Variants in DNAH8 observed in about 807,000 individuals in gnomAD.
DNAH8 encodes the protein dynein axonemal heavy chain 8.
In DNAH8, 382 loss-of-function variants were observed where a neutral mutation model predicts 562.1. That is an observed-to-expected ratio of 0.68 (90% CI 0.63 to 0.74). The LOEUF (loss-of-function observed/expected upper bound fraction) is 0.74, where lower values mean the gene tolerates loss of function less well. Ranked by LOEUF, DNAH8 falls within the 30% of genes least tolerant of loss-of-function variation. The pLI, the probability that DNAH8 is intolerant of heterozygous loss-of-function variation, is 0.00. For missense variants in DNAH8, 5,203 were observed against 5,620.4 expected, an observed-to-expected ratio of 0.93 and a Z score of 2.37; for synonymous variants, 1,881 against 1,919.4, an observed-to-expected ratio of 0.98 and a Z score of 0.52.
At position 38,857,576 on chromosome 6, in the gene DNAH8, A is replaced by G. The variant is rs1399926202; in HGVS notation, c.5792A>G (p.Asn1931Ser). 8 of 1,613,840 alleles carry G rather than the reference A, an allele frequency of 5.0e-6. No individual in the cohort carries two copies. Among genetic ancestry groups the G allele is most frequent in the African/African-American group, 1.3e-5 (1 of 74,904 alleles). ...WTHDSEEALRNAKDDRKIMQV... is the reference protein window; with the variant it reads ...WTHDSEEALRSAKDDRKIMQV... ...CACGATTCAGAAGAGGCTTTACGTA[A>G]TGCAAAAGATGACAGGAAAATCATG... The change falls in exon 42 of 93, where the codon AAT (asparagine) becomes AGT (serine). Residue 1931 changes from asparagine to serine, a missense_variant. Physicochemically the swap from Asn to Ser is conservative, Grantham distance 46. Coordinates refer to ENST00000327475, the MANE Select transcript of DNAH8 (RefSeq NM_001206927.2).
At chr6:38,895,963 C>T (rs1264460097) in intron 59 of DNAH8, 70 bp from the exon 60 acceptor site, 30 of 1,347,824 alleles carry the variant, frequency 2.2e-5, no homozygotes, top group Admixed American at 5.6e-5. Context: ...TGAGAAGAGG[C>T]GAAGGGACAT....
chr6:38,923,346 T>G, intron 72 of DNAH8, 161 bp downstream of exon 72: 1 of 836,414 alleles, frequency 1.2e-6, no homozygotes, highest in Non-Finnish European at 1.8e-6. Flanking sequence ...TGAAGAAGAT[T>G]TTGTGAAATA....
At chr6:38,943,299 A>G (rs377325457) in intron 79 of DNAH8, among the ~76,000 whole-genome samples, 3 of 152,220 alleles carry the variant, frequency 2.0e-5, no homozygotes, top group African/African-American at 7.2e-5. Context: ...ACTGGCTTAC[A>G]TTTTGACTGA....
At chr6:38,917,195 T>C in intron 68 of DNAH8, 44 bp from the exon 69 acceptor site, 1 of 1,395,840 alleles carries the variant, frequency 7.2e-7, no homozygotes, top group Non-Finnish European at 9.8e-7. Context: ...TAACTATTAA[T>C]ACCACTCAAC....
chr6:38,999,948 C>CACAT (rs1765377935), intron 88 of DNAH8, among the ~76,000 whole-genome samples: 1 of 151,510 alleles, frequency 6.6e-6, no homozygotes. Context: ...CACACACACA[C>CACAT]ATTCATTGAA....
chr6:38,957,316 GAT>G (rs1201259938), intron 82 of DNAH8, among the ~76,000 whole-genome samples: 1 of 148,488 alleles, frequency 6.7e-6, no homozygotes. Context: ...TATAATAAAA[GAT>G]ATAATTAATA....
At chr6:38,715,585 C>T (rs2127555039) in intron 1 of DNAH8, among the ~76,000 whole-genome samples, 170 bp downstream of exon 1, 1 of 152,318 alleles carries the variant, frequency 6.6e-6, no homozygotes, top group East Asian at 1.9e-4. Context: ...TTCAAAACCC[C>T]AGCTGAGTCA....
At position 38,787,008 on chromosome 6, in the gene DNAH8, T is replaced by A. The variant is rs57692503; in HGVS notation, c.2583+56T>A. On this transcript the variant is annotated intron_variant, in intron 18 of 92. Transcript: ENST00000327475. ...TGAAGGAGTTTTTTGGTAAAAAAAA[T>A]ATGTATATATATATATATATCCCTG... 9.8e-3 allele frequency: 10,603 copies of A among 1,076,618 alleles called. 570 individuals carry two copies. In the African/African-American group the frequency reaches 0.16, roughly 17 times the overall value. The allele number at this position is 1,076,618 out of a possible 1,614,324, so 66.7% of individuals were successfully genotyped here. A position where few individuals can be genotyped will look rare whatever the true frequency, so the allele number is the denominator to read the frequency against.
chr6:39,014,578 G>T (rs1293802090), intron 91 of DNAH8, among the ~76,000 whole-genome samples: 2 of 152,182 alleles, frequency 1.3e-5, no homozygotes, highest in Non-Finnish European at 2.9e-5. Flanking sequence ...GCCCCACTGT[G>T]TGAGAACTAA....
intron 47 of DNAH8, among the ~76,000 whole-genome samples, chr6:38,867,550 C>T (rs971486576): frequency 6.6e-6 from 1 of 150,572 alleles, no homozygotes; most frequent in Admixed American, 6.6e-5. Context: ...CGAGACCATC[C>T]TGGCTAACAT....
intron 4 of DNAH8, among the ~76,000 whole-genome samples, chr6:38,731,985 A>G (rs1763692669): frequency 2.0e-5 from 3 of 152,148 alleles, no homozygotes; most frequent in South Asian, 4.1e-4. Flanking sequence ...CAAAGTGCTG[A>G]GATTATAGGT....
At chr6:38,845,518 T>C (rs1775221632) in intron 35 of DNAH8, 56 bp from the exon 36 acceptor site, 1 of 1,403,222 alleles carries the variant, frequency 7.1e-7, no homozygotes, top group Admixed American at 1.8e-5. Context: ...GATTTGATGA[T>C]GCACTTAATT....
chr6:38,930,076 C>T (rs1282237954), intron 75 of DNAH8, among the ~76,000 whole-genome samples: 2 of 152,034 alleles, frequency 1.3e-5, no homozygotes, highest in Non-Finnish European at 2.9e-5. Context: ...CAAAATAACC[C>T]GGATTTCTTC....
intron 7 of DNAH8, 109 bp from the exon 8 acceptor site, chr6:38,741,602 T>G: frequency 1.2e-6 from 1 of 862,454 alleles, no homozygotes; most frequent in South Asian, 2.2e-5. Flanking sequence ...TAAACATTAT[T>G]TGGTATTGAA....
At chr6:38,857,858 C>A in intron 42 of DNAH8, 116 bp downstream of exon 42, 1 of 657,072 alleles carries the variant, frequency 1.5e-6, no homozygotes, top group Non-Finnish European at 2.6e-6. Context: ...TCATAACTGT[C>A]CATCAATATC....
intron 60 of DNAH8, among the ~76,000 whole-genome samples, chr6:38,897,309 A>G (rs1779770177): frequency 6.6e-6 from 1 of 152,250 alleles, no homozygotes; most frequent in Non-Finnish European, 1.5e-5. Context: ...AATATTGGCC[A>G]TAGCTGCTTT....
At chr6:38,926,917 T>C (rs1461336712) in intron 74 of DNAH8, among the ~76,000 whole-genome samples, 1 of 152,240 alleles carries the variant, frequency 6.6e-6, no homozygotes. Context: ...CAATATAACC[T>C]GTCCTGAATC....
intron 1 of DNAH8, among the ~76,000 whole-genome samples, chr6:38,722,548 C>T (rs1762835011): frequency 6.6e-6 from 1 of 151,136 alleles, no homozygotes; most frequent in Non-Finnish European, 1.5e-5. Context: ...TCAGGAGGAG[C>T]ACTTAAAGTC....
Position 38,899,883 on chromosome 6 carries a change from A to C in DNAH8, c.9171A>C (p.Gln3057His), listed in dbSNP as rs1357130132. ...TGGCCTCTTTTATTGCTGGCTATCA[A>C]ATATTCCAGATAACATTAACCAGGT... ...SRLASFIAGY[Q>H]IFQITLTRSY... is the part of the protein sequence containing the mutation. The change falls in exon 62 of 93, where the codon CAA becomes CAC. Residue 3057 changes from glutamine to histidine, a missense_variant. Transcript: ENST00000327475. 1.9e-6 allele frequency: 3 copies of C among 1,605,428 alleles called. No homozygotes were observed. The South Asian group carries it at 3.4e-5, about 18-fold the overall frequency.
Sources: gnomAD v4.1 joint callset for allele counts (sites outside exome capture counted in the v4.1 genomes callset) on GRCh38, gnomAD v4.1.1 for gene constraint, MANE v1.5 for transcripts, NCBI Gene and HGNC (gene_info 2026-07-23, HGNC 2026-07-21) for gene names.